CENPT: variants seen among roughly 807,000 people sequenced by gnomAD.
CENPT encodes centromere protein T.
Under a neutral mutation model 59.7 loss-of-function variants are expected in CENPT, and 42 were observed. The ratio of observed to expected loss-of-function variants is 0.70; its 90% CI spans 0.55 to 0.91. CENPT has a LOEUF of 0.91. CENPT is among the 40% of genes least tolerant of loss of function. CENPT has a pLI of 0.00. For synonymous variants in CENPT, 295 were observed against 289.6 expected (o/e 1.02, Z -0.19); for missense variants, 716 against 713.4 (o/e 1.00, Z -0.04).
rs750631410 is a variant in CENPT at position 67,831,314 on chromosome 16, A to G, written c.605T>C (p.Val202Ala). Residue 202 changes from valine to alanine, a missense_variant, in exon 10 of 16, where the codon GTG becomes GCG. Val to Ala is a moderately conservative substitution (Grantham distance 64). Coordinates refer to ENST00000562787, the MANE Select transcript of CENPT (RefSeq NM_025082.4). ...TCTGCGGGCCAAGCCAGGCCTCTGC[A>G]CTGACTGTGGCTGAAGAGGTGTGGC... ...TFATPLQPQSVQRPGLARRPP... is the reference protein window; with the variant it reads ...TFATPLQPQSAQRPGLARRPP... 6.2e-7 allele frequency: 1 copy of G among 1,614,194 alleles called. No individual in the cohort carries two copies. Among genetic ancestry groups the G allele is most frequent in the South Asian group, 1.1e-5 (1 of 91,072 alleles).
At chr16:67,847,153 C>G (rs1239496478) in intron 1 of CENPT, 1 of 151,820 alleles carries the variant, frequency 6.6e-6, no homozygotes, top group East Asian at 1.9e-4. Flanking sequence ...GGCTCCGCCT[C>G]CCGCCGGTCC....
intron 1 of CENPT, among the ~76,000 whole-genome samples, chr16:67,838,701 G>C (rs2057745466): frequency 6.6e-6 from 1 of 152,078 alleles, no homozygotes; most frequent in Non-Finnish European, 1.5e-5. Context: ...GCTGAGGTGG[G>C]TGGATCATGA....
At chr16:67,844,747 G>T (rs1406557339) in intron 1 of CENPT, among the ~76,000 whole-genome samples, 2 of 151,514 alleles carry the variant, frequency 1.3e-5, no homozygotes, top group African/African-American at 4.8e-5. Flanking sequence ...TGGGAGGTGT[G>T]ATTCCTTGAC....
chr16:67,841,193 CAA>C (rs772893427), intron 1 of CENPT, among the ~76,000 whole-genome samples: 1,175 of 27,340 alleles, frequency 0.043, 4 homozygotes, highest in African/African-American at 0.1. Context: ...GACTCCTTTA[CAA>C]AAAAAAAAAA....
intron 1 of CENPT, among the ~76,000 whole-genome samples, chr16:67,838,108 A>G (rs2057743019): frequency 6.6e-6 from 1 of 152,222 alleles, no homozygotes; most frequent in South Asian, 2.1e-4. Context: ...CATGCATTCC[A>G]GATATGCTTT....
At position 67,831,753 on chromosome 16, in the gene CENPT, C is replaced by T. The variant is rs934338833; in HGVS notation, c.523+1G>A. On this transcript the variant is annotated splice_donor_variant, in intron 8 of 15. Transcript: ENST00000562787. LOFTEE classifies it high-confidence loss of function. ...AGCAAAAGTGGTGTCCAGGGCCTCACCTTGGGAGAGAGACAGCCCCTGGTC... is the reference window on the plus strand; with the variant it reads ...AGCAAAAGTGGTGTCCAGGGCCTCATCTTGGGAGAGAGACAGCCCCTGGTC... 1 of 1,580,038 alleles carries T rather than the reference C, an allele frequency of 6.3e-7. No individual in the cohort carries two copies. Among genetic ancestry groups the T allele is most frequent in the African/African-American group, 1.4e-5 (1 of 73,772 alleles).
At chr16:67,830,658 T>C (rs2057678445) in intron 10 of CENPT, 110 bp from the exon 11 acceptor site, 1 of 1,153,330 alleles carries the variant, frequency 8.7e-7, no homozygotes, top group Non-Finnish European at 1.3e-6. Context: ...TGCCAGGGCC[T>C]GGACAGTGGG....
In CENPT at chr16:67,829,970, G is replaced by C; in HGVS notation, c.981C>G (p.His327Gln). ...TTTTCTCTGCCTCTTCAACTCCATC[G>C]TGTAAGGGCTCTACTTCATCTTCTC... ...VSGEDEVEPL[H>Q]DGVEEAEKKM... The change falls in exon 12 of 16, where the codon CAC becomes CAG. Residue 327 changes from histidine (H) to glutamine (Q), a missense_variant. Coordinates refer to ENST00000562787, the MANE Select transcript of CENPT (RefSeq NM_025082.4). The C allele has an allele frequency of 1.2e-6, 2 of 1,614,126 alleles. No individual in the cohort carries two copies. Among genetic ancestry groups the C allele is most frequent in the Non-Finnish European group, 1.7e-6 (2 of 1,180,038 alleles).
At position 67,830,471 on chromosome 16, in the gene CENPT, T is replaced by C. The variant is rs202014360; in HGVS notation, c.781A>G (p.Thr261Ala). ...GCGTCTTCAGCCCCAGTGTGAGGCG[T>C]GCAGGGCAGGGAGTGATACACGTTG... ...SPNVYHSLPC[T>A]PHTGAEDAEQ... The change falls in exon 11 of 16, where the codon ACG (threonine) becomes GCG (alanine). Residue 261 changes from threonine to alanine, a missense_variant. Coordinates refer to ENST00000562787, the MANE Select transcript of CENPT (RefSeq NM_025082.4). 17 of 1,614,140 alleles carry C rather than the reference T, an allele frequency of 1.1e-5. No homozygotes were observed. In the African/African-American group the frequency reaches 1.3e-4, roughly 13 times the overall value.
Position 67,833,890 on chromosome 16 carries a change from A to T in CENPT, c.-31T>A. The T allele has an allele frequency of 7.2e-7, 1 of 1,381,452 alleles. No homozygotes were observed. Among genetic ancestry groups the T allele is most frequent in the Non-Finnish European group, 9.6e-7 (1 of 1,044,250 alleles). 85.6% of individuals were successfully genotyped at this position (1,381,452 alleles called of 1,614,324 possible). ...CGGCCCCGGGCCCTCCTAACCGCCC[A>T]GCCAGCTGCAGGCTCCGCCTTCCCG... On this transcript the variant is annotated 5_prime_UTR_variant, in exon 4 of 16. Coordinates refer to ENST00000562787, the MANE Select transcript of CENPT (RefSeq NM_025082.4).
At position 67,832,286 on chromosome 16, in the gene CENPT, G is replaced by A; in HGVS notation, c.231C>T (p.Ala77=). 6.2e-7 allele frequency: 1 copy of A among 1,614,184 alleles called. No homozygotes were observed. The highest frequency in any genetic ancestry group is 2.2e-5 in the East Asian group (1 of 44,884). The part of the protein sequence containing the change: ...RSVGRSAHIQ[A]SGHLEEQTPR... ...GTGTCTGTTCCTCCAAGTGCCCACT[G>A]GCCTGAATATGGGCCGATCTGCCAA... Residue 77 remains alanine (A), a synonymous_variant, in exon 6 of 16, where the codon GCC becomes GCT. Transcript: ENST00000562787.
At chr16:67,833,341 G>A (rs2057711333) in intron 4 of CENPT, among the ~76,000 whole-genome samples, 1 of 152,234 alleles carries the variant, frequency 6.6e-6, no homozygotes, top group African/African-American at 2.4e-5. Flanking sequence ...CAGGGCAAAT[G>A]CCTAGGCACA....
intron 1 of CENPT, among the ~76,000 whole-genome samples, chr16:67,837,293 C>G (rs908488301): frequency 6.6e-6 from 1 of 152,068 alleles, no homozygotes; most frequent in Non-Finnish European, 1.5e-5. Context: ...CCCACCTCAG[C>G]CTTCTGAGTA....
chr16:67,831,861 G>C lies in CENPT; in HGVS notation c.416C>G (p.Pro139Arg). ...CAGACCTGGAGCCAGGGTTGTGGGGGGCTCGAGCTCAGGAAGTTGCAGCTC... is the reference window on the plus strand; with the variant it reads ...CAGACCTGGAGCCAGGGTTGTGGGGCGCTCGAGCTCAGGAAGTTGCAGCTC... ...SLELQLPELE[P>R]PTTLAPGLLA... Residue 139 changes from proline (P) to arginine (R), a missense_variant, in exon 8 of 16, where the codon CCC becomes CGC. By Grantham distance (103) the Pro-to-Arg change is moderately radical (BLOSUM62 -2). Transcript: ENST00000562787. 1 of 1,611,716 alleles carries C rather than the reference G, an allele frequency of 6.2e-7. No homozygotes were observed. The highest frequency in any genetic ancestry group is 1.1e-5 in the South Asian group (1 of 90,742).
At chr16:67,839,450 C>T (rs1045807026) in intron 1 of CENPT, among the ~76,000 whole-genome samples, 2 of 151,002 alleles carry the variant, frequency 1.3e-5, no homozygotes, top group Non-Finnish European at 2.9e-5. Flanking sequence ...ATCCCAGTTA[C>T]CTGGGAGGCT....
At chr16:67,837,134 T>C (rs142244326) in intron 1 of CENPT, among the ~76,000 whole-genome samples, 2 of 151,624 alleles carry the variant, frequency 1.3e-5, no homozygotes, top group African/African-American at 4.8e-5. Context: ...CCTCCCAAAG[T>C]GCTGGGATTA....
chr16:67,831,423 T>G lies in CENPT; in HGVS notation c.561-65A>C, dbSNP rs1347640749. The G allele has an allele frequency of 2.5e-6, 4 of 1,585,026 alleles. No homozygotes were observed. The Admixed American group carries it at 7.0e-5, about 28-fold the overall frequency. ...GAGACCCAGTTTGCCCACAGATCCC[T>G]CCATCTGCCCTGGGGCTCTCATCTC... On this transcript the variant is annotated intron_variant, in intron 9 of 15. Coordinates refer to ENST00000562787, the MANE Select transcript of CENPT (RefSeq NM_025082.4).
At position 67,828,676 on chromosome 16, in the gene CENPT, A is replaced by G. The variant is rs772372421; in HGVS notation, c.1448T>C (p.Val483Ala). ...TGTGCCCAGGACTCACCACTTCTCC[A>G]CCATCTCAAGAGCCTTCCTCTCCAT... Reference protein sequence around the residue: ...MPMERKALEMVEKCLDKYFQH... With the variant: ...MPMERKALEMAEKCLDKYFQH... Residue 483 changes from valine to alanine, a missense_variant, in exon 14 of 16, where the codon GTG becomes GCG. Val to Ala is a moderately conservative substitution (Grantham distance 64). Transcript: ENST00000562787. 1.2e-6 allele frequency: 2 copies of G among 1,613,978 alleles called. No individual in the cohort carries two copies. The highest frequency in any genetic ancestry group is 8.5e-7 in the Non-Finnish European group (1 of 1,180,014).
In CENPT at chr16:67,833,886, G is replaced by A. The variant is rs759178266; in HGVS notation, c.-27C>T. 4.3e-6 allele frequency: 6 copies of A among 1,409,854 alleles called. No homozygotes were observed. Among genetic ancestry groups the A allele is most frequent in the South Asian group, 2.9e-5 (2 of 69,288 alleles). The allele number at this position is 1,409,854 out of a possible 1,614,324, so 87.3% of individuals were successfully genotyped here. A position where few individuals can be genotyped will look rare whatever the true frequency, so the allele number is the denominator to read the frequency against. On this transcript the variant is annotated 5_prime_UTR_variant, in exon 4 of 16. Transcript: ENST00000562787. ...GTCTCGGCCCCGGGCCCTCCTAACC[G>A]CCCAGCCAGCTGCAGGCTCCGCCTT...
Sources: gnomAD v4.1 joint callset for allele counts (sites outside exome capture counted in the v4.1 genomes callset) on GRCh38, gnomAD v4.1.1 for gene constraint, MANE v1.5 for transcripts, NCBI Gene and HGNC (gene_info 2026-07-23, HGNC 2026-07-21) for gene names.